The following MGAT4C variants were observed in gnomAD, a reference collection of about 807,000 sequenced individuals.
MGAT4C encodes the protein MGAT4 family member C.
MGAT4C carries 19 observed loss-of-function variants against 40.1 expected under a neutral mutation model. That is an observed-to-expected ratio of 0.47 (90% confidence interval 0.33 to 0.70). MGAT4C has a LOEUF of 0.70. MGAT4C is among the 30% of genes least tolerant of loss of function. The probability of loss-of-function intolerance (pLI) is 0.02; values close to 1 mark genes in which losing one functional copy is unlikely to be tolerated. For missense variants in MGAT4C, 491 were observed against 563.2 expected, an observed-to-expected ratio of 0.87 and a Z score of 1.30; for synonymous variants, 181 against 187.1, an observed-to-expected ratio of 0.97 and a Z score of 0.27.
rs984096287 is a variant in MGAT4C at position 86,796,536 on chromosome 12, C to T, written c.-262+42130G>A. On this transcript the variant is annotated intron_variant, in intron 1 of 7. Transcript: ENST00000548651. ...GAAGTAGAGAGTAGACTGATGACTTCCAGGGGCTGGAAAGACATTGGTCAA... is the reference window on the plus strand; with the variant it reads ...GAAGTAGAGAGTAGACTGATGACTTTCAGGGGCTGGAAAGACATTGGTCAA... Among the ~76,000 whole-genome samples the T allele has an allele frequency of 4.0e-4, 60 of 151,864 alleles. 1 individual carries two copies. The highest frequency in any genetic ancestry group is 1.3e-3 in the African/African-American group (54 of 41,386).
chr12:86,243,874 G>T (rs1468433138), intron 1 of MGAT4C, among the ~76,000 whole-genome samples: 1 of 152,110 alleles, frequency 6.6e-6, no homozygotes, highest in East Asian at 1.9e-4. Context: ...AATGTCTATT[G>T]CTTTAAGCAT....
intron 2 of MGAT4C, among the ~76,000 whole-genome samples, chr12:86,716,280 A>G (rs956034244): frequency 6.6e-6 from 1 of 152,140 alleles, no homozygotes; most frequent in African/African-American, 2.4e-5. Flanking sequence ...AAATAAACAT[A>G]AAAATTAAGA....
intron 4 of MGAT4C, among the ~76,000 whole-genome samples, chr12:86,318,788 C>T (rs1279400622): frequency 6.6e-6 from 1 of 152,078 alleles, no homozygotes; most frequent in African/African-American, 2.4e-5. Flanking sequence ...GTGGCACAAA[C>T]TTTCACTGTT....
chr12:86,128,522 A>C (rs1880666576), intron 1 of MGAT4C, among the ~76,000 whole-genome samples: 1 of 152,134 alleles, frequency 6.6e-6, no homozygotes, highest in Admixed American at 6.6e-5. Context: ...AGCCATGTGG[A>C]ACTGTAAGTC....
chr12:86,102,955 T>C (rs1875387030), intron 1 of MGAT4C, among the ~76,000 whole-genome samples: 1 of 152,128 alleles, frequency 6.6e-6, no homozygotes, highest in Non-Finnish European at 1.5e-5. Flanking sequence ...ATTGCTTATA[T>C]TGGCAAAAAG....
chr12:86,649,431 G>T (rs567473837), intron 2 of MGAT4C, among the ~76,000 whole-genome samples: 2 of 151,528 alleles, frequency 1.3e-5, no homozygotes, highest in African/African-American at 4.8e-5. Flanking sequence ...TCAGCTTTAG[G>T]TATTAGACAA....
intron 1 of MGAT4C, among the ~76,000 whole-genome samples, chr12:86,213,816 G>C (rs1051743457): frequency 1.3e-5 from 2 of 152,206 alleles, no homozygotes; most frequent in Non-Finnish European, 1.5e-5. Flanking sequence ...GTATGGTTAT[G>C]TGGACACAGA....
intron 1 of MGAT4C, among the ~76,000 whole-genome samples, chr12:86,735,765 A>G (rs538502277): frequency 1.1e-3 from 168 of 151,962 alleles, no homozygotes; most frequent in African/African-American, 4.0e-3. Flanking sequence ...TCTGAAACTG[A>G]CTGTTCATCC....
At chr12:86,817,179 A>G (rs1441101778) in intron 1 of MGAT4C, among the ~76,000 whole-genome samples, 2 of 151,224 alleles carry the variant, frequency 1.3e-5, no homozygotes, top group Non-Finnish European at 3.0e-5. Flanking sequence ...TACTTTATTC[A>G]TACAACACAA....
intron 1 of MGAT4C, among the ~76,000 whole-genome samples, chr12:86,198,883 A>G (rs1295115542): frequency 6.6e-6 from 1 of 152,188 alleles, no homozygotes; most frequent in Non-Finnish European, 1.5e-5. Context: ...GGCATCACAT[A>G]TGGCTCACGC....
At chr12:86,011,684 G>T in intron 2 of MGAT4C, 1 of 251,196 alleles carries the variant, frequency 4.0e-6, no homozygotes, top group Non-Finnish European at 6.3e-6. Context: ...CATAGACACT[G>T]TAAAAACATT....
At chr12:86,627,276 T>G (rs1176921905) in intron 2 of MGAT4C, among the ~76,000 whole-genome samples, 1 of 152,140 alleles carries the variant, frequency 6.6e-6, no homozygotes, top group East Asian at 1.9e-4. Flanking sequence ...CTCTGTAGAC[T>G]CCACCTCTGG....
chr12:86,545,186 A>G (rs926265299), intron 2 of MGAT4C, among the ~76,000 whole-genome samples: 2 of 151,050 alleles, frequency 1.3e-5, no homozygotes, highest in Non-Finnish European at 2.9e-5. Flanking sequence ...ATCAATTTAT[A>G]AATGATGACT....
At chr12:86,790,875 A>G (rs918640049) in intron 1 of MGAT4C, among the ~76,000 whole-genome samples, 5 of 152,132 alleles carry the variant, frequency 3.3e-5, no homozygotes, top group African/African-American at 9.7e-5. Context: ...TTTTTAAACA[A>G]ATACCCAGTG....
chr12:86,104,395 G>C (rs1168732582), intron 1 of MGAT4C, among the ~76,000 whole-genome samples: 4 of 152,084 alleles, frequency 2.6e-5, no homozygotes, highest in African/African-American at 9.7e-5. Context: ...AGCCGAGATA[G>C]TGCCATTGCA....
chr12:86,568,974 C>T (rs1362075688), intron 2 of MGAT4C, among the ~76,000 whole-genome samples: 1 of 151,850 alleles, frequency 6.6e-6, no homozygotes, highest in Admixed American at 6.6e-5. Context: ...TAAAAAGGCG[C>T]TTCCATTTAA....
intron 2 of MGAT4C, among the ~76,000 whole-genome samples, chr12:86,459,298 T>C (rs964385829): frequency 2.6e-5 from 4 of 152,074 alleles, no homozygotes; most frequent in South Asian, 2.1e-4. Context: ...AATCTGTGAA[T>C]AGAATGGCAA....
intron 2 of MGAT4C, among the ~76,000 whole-genome samples, chr12:86,559,526 A>C (rs1308390380): frequency 6.6e-6 from 1 of 152,036 alleles, no homozygotes; most frequent in Non-Finnish European, 1.5e-5. Context: ...AGAAATACAT[A>C]GAAATTCAAC....
At chr12:86,039,513 G>A (rs965661695) in intron 2 of MGAT4C, among the ~76,000 whole-genome samples, 1 of 152,000 alleles carries the variant, frequency 6.6e-6, no homozygotes, top group East Asian at 1.9e-4. Flanking sequence ...GATGGATTCG[G>A]CTATTGATAC....
Sources: allele counts gnomAD v4.1 joint callset (sites outside exome capture counted in the v4.1 genomes callset), GRCh38; gene constraint gnomAD v4.1.1; transcripts MANE v1.5; gene names NCBI Gene and HGNC (gene_info 2026-07-23, HGNC 2026-07-21).